The following ZNF268 variants were observed in gnomAD, a reference collection of about 807,000 sequenced individuals.
ZNF268 encodes zinc finger protein 3.
ZNF268 carries 20 observed loss-of-function variants against 29.3 expected under a neutral mutation model. The observed-to-expected ratio is 0.68, with a 90% confidence interval of 0.48 to 0.99. The LOEUF is 0.99. Among genes scored for constraint, ZNF268 ranks in the 50% least tolerant of loss-of-function variants. The probability of loss-of-function intolerance (pLI) is 0.00; values close to 1 mark genes in which losing one functional copy is unlikely to be tolerated. For synonymous variants in ZNF268, 429 were observed against 376.9 expected, an observed-to-expected ratio of 1.14 and a Z score of -1.60; for missense variants, 1,240 against 1,121.6, an observed-to-expected ratio of 1.11 and a Z score of -1.51.
rs1957003755 is a variant in ZNF268 at position 133,212,546 on chromosome 12, C to CAT, written c.*8020_*8021dup. On this transcript the variant is annotated 3_prime_UTR_variant, in exon 6 of 6. Transcript: ENST00000536435. Reference sequence around the variant, plus strand: ...ACACATATATACACATATATATACACATATACACATATATATACACATATA... The same window carrying CAT: ...ACACATATATACACATATATATACACATATATACACATATATATACACATATA... 5 of 146,264 alleles carry CAT rather than the reference C, an allele frequency of 3.4e-5. No individual in the cohort carries two copies. The highest frequency in any genetic ancestry group is 7.5e-5 in the Non-Finnish European group (5 of 66,684). The allele number at this position is 146,264 out of a possible 1,614,324, so 9.1% of individuals were successfully genotyped here.
chr12:133,189,486 A>T (rs1956409522), intron 3 of ZNF268, among the ~76,000 whole-genome samples: 2 of 152,090 alleles, frequency 1.3e-5, no homozygotes, highest in Admixed American at 1.3e-4. Context: ...AAATGCTGGG[A>T]ATACAGGTGT....
At chr12:133,188,626 T>C (rs531989508) in intron 3 of ZNF268, among the ~76,000 whole-genome samples, 1 of 152,328 alleles carries the variant, frequency 6.6e-6, no homozygotes, top group African/African-American at 2.4e-5. Context: ...GTTTTATGTG[T>C]ATCCTTTTTT....
At position 133,210,470 on chromosome 12, in the gene ZNF268, T is replaced by A. The variant is rs147011522; in HGVS notation, c.*5940T>A. ...GAACCTCACTGTGGATTTGCCCCACTAGGGTCCCTAGGTCAGTCCTGAAGA... is the reference window on the plus strand; with the variant it reads ...GAACCTCACTGTGGATTTGCCCCACAAGGGTCCCTAGGTCAGTCCTGAAGA... On this transcript the variant is annotated 3_prime_UTR_variant, in exon 6 of 6. Coordinates refer to ENST00000536435, the MANE Select transcript of ZNF268 (RefSeq NM_003415.3). The A allele has an allele frequency of 3.0e-5, 6 of 197,750 alleles. No individual in the cohort carries two copies. Among genetic ancestry groups the A allele is most frequent in the Admixed American group, 1.6e-4 (3 of 18,938 alleles). 12.2% of individuals were successfully genotyped at this position (197,750 alleles called of 1,614,324 possible).
intron 5 of ZNF268, among the ~76,000 whole-genome samples, chr12:133,195,727 T>G (rs948345374): frequency 2.7e-5 from 4 of 147,880 alleles, no homozygotes; most frequent in African/African-American, 7.4e-5. Flanking sequence ...TTTGTTTTTG[T>G]TTTTTTTTGA....
At chr12:133,194,921 A>AGCAGCAGTGAACACCACATGGTAGCCAC (rs141139295) in intron 5 of ZNF268, among the ~76,000 whole-genome samples, 4 of 134,910 alleles carry the variant, frequency 3.0e-5, no homozygotes, top group Admixed American at 7.1e-5. Flanking sequence ...CTTGTACTAC[A>AGCAGCAGTGAACACCACATGGTAGCCAC]TTAATACAAG....
At chr12:133,190,435 A>G (rs1013034438) in intron 3 of ZNF268, among the ~76,000 whole-genome samples, 1 of 152,158 alleles carries the variant, frequency 6.6e-6, no homozygotes, top group Non-Finnish European at 1.5e-5. Flanking sequence ...AAGAGTTCCT[A>G]TTGCTCCACA....
chr12:133,191,089 G>A (rs1956458360), intron 3 of ZNF268, among the ~76,000 whole-genome samples: 1 of 152,006 alleles, frequency 6.6e-6, no homozygotes, highest in African/African-American at 2.4e-5. Context: ...GGCCGAGATG[G>A]GCAGATCACA....
chr12:133,201,121 A>AT (rs1428343958), intron 5 of ZNF268, among the ~76,000 whole-genome samples: 1 of 151,878 alleles, frequency 6.6e-6, no homozygotes, highest in Non-Finnish European at 1.5e-5. Context: ...TCTGTAGTTA[A>AT]TTTTTTGCTA....
chr12:133,198,920 T>G (rs570952548), intron 5 of ZNF268, among the ~76,000 whole-genome samples: 15 of 147,586 alleles, frequency 1.0e-4, no homozygotes, highest in Admixed American at 5.4e-4. Flanking sequence ...GCTTATCAGC[T>G]TAAGGAGATT....
chr12:133,210,670 G>A lies in ZNF268; in HGVS notation c.*6140G>A. ...GGGGGTCTCCGGGTCCTGAGTAGAA[G>A]CAAGGTCTGTTTGTCACTGTGGATT... On this transcript the variant is annotated 3_prime_UTR_variant, in exon 6 of 6. Transcript: ENST00000536435. 1 of 363,712 alleles carries A rather than the reference G, an allele frequency of 2.7e-6. No individual in the cohort carries two copies. Among genetic ancestry groups the A allele is most frequent in the Admixed American group, 3.5e-5 (1 of 28,674 alleles). 22.5% of individuals were successfully genotyped at this position (363,712 alleles called of 1,614,324 possible). A position where few individuals can be genotyped will look rare whatever the true frequency, so the allele number is the denominator to read the frequency against.
At chr12:133,201,861 CTT>C (rs1367854777) in intron 5 of ZNF268, among the ~76,000 whole-genome samples, 2 of 152,034 alleles carry the variant, frequency 1.3e-5, no homozygotes, top group African/African-American at 4.8e-5. Flanking sequence ...ATATGCAAAA[CTT>C]TTAAACTTCT....
intron 5 of ZNF268, chr12:133,193,300 T>G (rs2135501473): frequency 2.0e-6 from 1 of 491,970 alleles, no homozygotes; most frequent in East Asian, 3.2e-5. Context: ...GCCACTAGAC[T>G]CTGGCCTGGG....
At chr12:133,191,346 C>T in intron 3 of ZNF268, 143 bp from the exon 4 acceptor site, 1 of 841,136 alleles carries the variant, frequency 1.2e-6, no homozygotes, top group Non-Finnish European at 1.8e-6. Flanking sequence ...AGAAAGATGA[C>T]TGATTTAATG....
At position 133,203,018 on chromosome 12, in the gene ZNF268, T is replaced by C; in HGVS notation, c.1332T>C (p.Tyr444=). ...HQRTHTGEKP[Y]VCSDCGKAFT... is the part of the protein sequence containing the mutation. ...GAACCCATACAGGGGAGAAACCTTA[T>C]GTTTGTAGTGATTGTGGAAAAGCCT... Residue 444 remains tyrosine (Y), a synonymous_variant, in exon 6 of 6, where the codon TAT becomes TAC. Transcript: ENST00000536435. 5 of 1,545,916 alleles carry C rather than the reference T, an allele frequency of 3.2e-6. No homozygotes were observed. The highest frequency in any genetic ancestry group is 4.3e-6 in the Non-Finnish European group (5 of 1,151,242).
chr12:133,210,382 T>C lies in ZNF268; in HGVS notation c.*5852T>C, dbSNP rs565656771. 5.5e-6 allele frequency: 1 copy of C among 180,642 alleles called. No individual in the cohort carries two copies. The highest frequency in any genetic ancestry group is 1.2e-5 in the Non-Finnish European group (1 of 83,440). 11.2% of individuals were successfully genotyped at this position (180,642 alleles called of 1,614,324 possible). Reference sequence around the variant, plus strand: ...CGGGTCAGTCCTGAGGAGGATACTCTGGTCATCACTGTGATCTACCTCCCA... The same window carrying C: ...CGGGTCAGTCCTGAGGAGGATACTCCGGTCATCACTGTGATCTACCTCCCA... On this transcript the variant is annotated 3_prime_UTR_variant, in exon 6 of 6. Coordinates refer to ENST00000536435, the MANE Select transcript of ZNF268 (RefSeq NM_003415.3).
rs1470558970 is a variant in ZNF268 at position 133,212,540 on chromosome 12, T to TATACACATATAC, written c.*8012_*8023dup. 2.0e-5 allele frequency: 3 copies of TATACACATATAC among 148,400 alleles called. No homozygotes were observed. Among genetic ancestry groups the TATACACATATAC allele is most frequent in the Non-Finnish European group, 1.5e-5 (1 of 67,236 alleles). 9.2% of individuals were successfully genotyped at this position (148,400 alleles called of 1,614,324 possible). A position where few individuals can be genotyped will look rare whatever the true frequency, so the allele number is the denominator to read the frequency against. On this transcript the variant is annotated 3_prime_UTR_variant, in exon 6 of 6. Transcript: ENST00000536435. ...ACATACACACATATATACACATATA[T>TATACACATATAC]ATACACATATACACATATATATACA...
In ZNF268 at chr12:133,204,107, A is replaced by C. The variant is rs906609285; in HGVS notation, c.2421A>C (p.Pro807=). 1 of 1,545,938 alleles carries C rather than the reference A, an allele frequency of 6.5e-7. No individual in the cohort carries two copies. Among genetic ancestry groups the C allele is most frequent in the African/African-American group, 1.4e-5 (1 of 72,942 alleles). The change falls in exon 6 of 6, where the codon CCA becomes CCC. Residue 807 remains proline, a synonymous_variant. Transcript: ENST00000536435. The part of the protein sequence containing the change: ...IHMRTHSGEK[P]YECNECGKAF... Reference sequence around the variant, plus strand: ...TGAGAACTCATTCAGGTGAAAAACCATATGAATGTAATGAATGTGGGAAAG... The same window carrying C: ...TGAGAACTCATTCAGGTGAAAAACCCTATGAATGTAATGAATGTGGGAAAG...
rs1250942689 is a variant in ZNF268, at chr12:133,210,478, C to G, written c.*5948C>G. The G allele has an allele frequency of 1.4e-5, 3 of 221,694 alleles. No homozygotes were observed. The highest frequency in any genetic ancestry group is 6.8e-5 in the African/African-American group (3 of 44,376). The allele number at this position is 221,694 out of a possible 1,614,324, so 13.7% of individuals were successfully genotyped here. On this transcript the variant is annotated 3_prime_UTR_variant, in exon 6 of 6. Transcript: ENST00000536435. ...CTGTGGATTTGCCCCACTAGGGTCC[C>G]TAGGTCAGTCCTGAAGAGAAACAAG...
Position 133,187,908 on chromosome 12 carries a change from A to G in ZNF268, c.70A>G (p.Arg24Gly). Residue 24 changes from arginine (R) to glycine (G), a missense_variant, in exon 3 of 6, where the codon AGG becomes GGG. Transcript: ENST00000536435. ...CCAAGAACGAAACAGTTCATGGGAT[A>G]GGATCAGAAAGCTCCAAGGTCAGGA... Reference protein sequence around the residue: ...PLQERNSSWDRIRKLQGQESI... With the variant: ...PLQERNSSWDGIRKLQGQESI... 1 of 1,600,240 alleles carries G rather than the reference A, an allele frequency of 6.2e-7. No homozygotes were observed.
Sources: allele counts gnomAD v4.1 joint callset (sites outside exome capture counted in the v4.1 genomes callset), GRCh38; gene constraint gnomAD v4.1.1; transcripts MANE v1.5; gene names NCBI Gene and HGNC (gene_info 2026-07-23, HGNC 2026-07-21).